Variants in GFOD1 observed in about 807,000 individuals in gnomAD.
GFOD1 encodes glucose-fructose oxidoreductase domain-containing protein 1.
In GFOD1, 9 loss-of-function variants were observed where a neutral mutation model predicts 25.4. The observed-to-expected ratio is 0.35, with a 90% CI of 0.21 to 0.62. The LOEUF (loss-of-function observed/expected upper bound fraction) is 0.62. Ranked by LOEUF, GFOD1 falls within the 20% of genes least tolerant of loss-of-function variation. GFOD1 has a pLI of 0.72. For synonymous variants in GFOD1, 253 were observed against 245.6 expected, an observed-to-expected ratio of 1.03 and a Z score of -0.28; for missense variants, 403 against 556.9, an observed-to-expected ratio of 0.72 and a Z score of 2.78.
intron 1 of GFOD1, chr6:13,469,590 A>T (rs1295184178): frequency 9.4e-7 from 1 of 1,060,728 alleles, no homozygotes; most frequent in Non-Finnish European, 1.1e-6. Flanking sequence ...TTGAATTCTG[A>T]TTCCACTTGT....
chr6:13,422,289 A>C (rs1361736597), intron 1 of GFOD1, among the ~76,000 whole-genome samples: 4 of 152,182 alleles, frequency 2.6e-5, no homozygotes, highest in African/African-American at 9.7e-5. Context: ...ACCCTAAAAC[A>C]CATGCTGTCC....
rs1409134126 is a variant in GFOD1 at position 13,360,964 on chromosome 6, T to C, written c.*3779A>G. The C allele has an allele frequency of 2.4e-6, 1 of 414,554 alleles. No homozygotes were observed. The highest frequency in any genetic ancestry group is 2.6e-5 in the Admixed American group (1 of 38,364). The allele number at this position is 414,554 out of a possible 1,614,324, so 25.7% of individuals were successfully genotyped here. On this transcript the variant is annotated 3_prime_UTR_variant, in exon 2 of 2. Coordinates refer to ENST00000379287, the MANE Select transcript of GFOD1 (RefSeq NM_018988.4). ...AACAGTTGTGTGACTTTGAACAAGT[T>C]CCTCTTCCTCTTACTGCCTCCATTT...
At chr6:13,388,222 C>T (rs10948649) in intron 1 of GFOD1, among the ~76,000 whole-genome samples, 1 of 152,040 alleles carries the variant, frequency 6.6e-6, no homozygotes, top group Admixed American at 6.6e-5. Flanking sequence ...CTATCTCCAT[C>T]AAGTTACCAG....
intron 1 of GFOD1, among the ~76,000 whole-genome samples, chr6:13,390,780 A>AGG (rs1491481409): frequency 3.4e-5 from 4 of 117,904 alleles, no homozygotes; most frequent in Non-Finnish European, 7.2e-5. Context: ...AGAGAGAGAG[A>AGG]AAGGAAGGAA....
chr6:13,466,190 T>A (rs1758375911), intron 1 of GFOD1, among the ~76,000 whole-genome samples: 1 of 152,234 alleles, frequency 6.6e-6, no homozygotes, highest in Non-Finnish European at 1.5e-5. Context: ...TTATGTCACT[T>A]CTTTGGAAGG....
At chr6:13,372,858 C>T (rs1785178116) in intron 1 of GFOD1, among the ~76,000 whole-genome samples, 1 of 152,236 alleles carries the variant, frequency 6.6e-6, no homozygotes, top group Non-Finnish European at 1.5e-5. Context: ...TCCTCCCCAT[C>T]ATTCCACTTG....
intron 1 of GFOD1, among the ~76,000 whole-genome samples, chr6:13,420,757 T>A (rs1040284252): frequency 1.3e-5 from 2 of 152,210 alleles, no homozygotes; most frequent in African/African-American, 4.8e-5. Context: ...AAGGACTGAT[T>A]TTTTCCGGGT....
At chr6:13,419,179 C>A (rs1288415235) in intron 1 of GFOD1, among the ~76,000 whole-genome samples, 1 of 152,150 alleles carries the variant, frequency 6.6e-6, no homozygotes, top group Non-Finnish European at 1.5e-5. Context: ...AAGATTCATG[C>A]CCATTTGAGA....
chr6:13,449,772 T>C (rs1758063917), intron 1 of GFOD1, among the ~76,000 whole-genome samples: 1 of 152,222 alleles, frequency 6.6e-6, no homozygotes, highest in South Asian at 2.1e-4. Context: ...ACCATGACTG[T>C]GAGGCCTCCC....
At chr6:13,469,446 T>G in intron 1 of GFOD1, 8 of 987,956 alleles carry the variant, frequency 8.1e-6, no homozygotes, top group Non-Finnish European at 9.6e-6. Context: ...TGATGCAAGT[T>G]CCAGTTCAGT....
rs543255559 is a variant in GFOD1 at position 13,473,391 on chromosome 6, C to G, written c.253+13247G>C. Among the ~76,000 whole-genome samples the G allele has an allele frequency of 6.6e-5, 10 of 152,364 alleles. No individual in the cohort carries two copies. The South Asian group carries it at 2.1e-3, about 32-fold the overall frequency. On this transcript the variant is annotated intron_variant, in intron 1 of 1. Coordinates refer to ENST00000379287, the MANE Select transcript of GFOD1 (RefSeq NM_018988.4). ...GTCTTGACAGCATTACTAGCTGAAT[C>G]AACTTTTGCAGTTCTTCCCACGCCC...
At chr6:13,427,593 G>C (rs1484767985) in intron 1 of GFOD1, among the ~76,000 whole-genome samples, 1 of 152,182 alleles carries the variant, frequency 6.6e-6, no homozygotes, top group Non-Finnish European at 1.5e-5. Flanking sequence ...CAACGCTACA[G>C]TGAGCTGTGA....
chr6:13,394,773 C>T (rs1190198442), intron 1 of GFOD1, among the ~76,000 whole-genome samples: 2 of 152,136 alleles, frequency 1.3e-5, no homozygotes, highest in African/African-American at 4.8e-5. Flanking sequence ...GCTGGGATTA[C>T]AGGCACGTGC....
chr6:13,445,482 C>T (rs1243532601), intron 1 of GFOD1, among the ~76,000 whole-genome samples: 1 of 152,166 alleles, frequency 6.6e-6, no homozygotes, highest in Non-Finnish European at 1.5e-5. Context: ...TTTAGGGAAA[C>T]AAGCTCTTGT....
chr6:13,372,799 T>C (rs1785176966), intron 1 of GFOD1, among the ~76,000 whole-genome samples: 1 of 152,192 alleles, frequency 6.6e-6, no homozygotes, highest in African/African-American at 2.4e-5. Context: ...ACACAATCCC[T>C]GATCTAATCA....
chr6:13,364,084 G>T lies in GFOD1; in HGVS notation c.*659C>A, dbSNP rs1008239733. 1.3e-5 allele frequency: 2 copies of T among 152,212 alleles called. No individual in the cohort carries two copies. Among genetic ancestry groups the T allele is most frequent in the African/African-American group, 4.8e-5 (2 of 41,420 alleles). The allele number at this position is 152,212 out of a possible 1,614,324, so 9.4% of individuals were successfully genotyped here. A position where few individuals can be genotyped will look rare whatever the true frequency, so the allele number is the denominator to read the frequency against. ...TCTGACCTCTCTTTCTCTACCAGGTGAAGGGCAATGAACCAAGTACAAAGA... is the reference window on the plus strand; with the variant it reads ...TCTGACCTCTCTTTCTCTACCAGGTTAAGGGCAATGAACCAAGTACAAAGA... On this transcript the variant is annotated 3_prime_UTR_variant, in exon 2 of 2. Coordinates refer to ENST00000379287, the MANE Select transcript of GFOD1 (RefSeq NM_018988.4). This position sits in a 1 kb window ranked among gnomAD's most constrained non-coding sequence, Gnocchi z 4.1.
At chr6:13,453,669 T>C (rs1758139361) in intron 1 of GFOD1, among the ~76,000 whole-genome samples, 1 of 152,260 alleles carries the variant, frequency 6.6e-6, no homozygotes, top group Non-Finnish European at 1.5e-5. Flanking sequence ...TTAGATTTAG[T>C]GAAAGCTACA....
At chr6:13,392,232 G>A (rs1785627502) in intron 1 of GFOD1, among the ~76,000 whole-genome samples, 1 of 151,580 alleles carries the variant, frequency 6.6e-6, no homozygotes, top group South Asian at 2.1e-4. Context: ...GTGTGATGGT[G>A]TGCACCTGTG....
chr6:13,484,598 C>T (rs576167081), intron 1 of GFOD1, among the ~76,000 whole-genome samples: 1 of 152,348 alleles, frequency 6.6e-6, no homozygotes, highest in South Asian at 2.1e-4. Context: ...CCTCTTATCG[C>T]TGGTTTTGAA....
Sources: gnomAD v4.1 joint callset for allele counts (sites outside exome capture counted in the v4.1 genomes callset) on GRCh38, gnomAD v4.1.1 for gene constraint, Gnocchi (gnomAD v3.1) non-coding constraint, MANE v1.5 for transcripts, NCBI Gene and HGNC (gene_info 2026-07-23, HGNC 2026-07-21) for gene names.